Variants in MAG observed in about 807,000 individuals in gnomAD.
MAG encodes myelin associated glycoprotein.
In MAG, 30 loss-of-function variants were observed where a neutral mutation model predicts 60.7. The ratio of observed to expected loss-of-function variants is 0.49; its 90% confidence interval spans 0.37 to 0.67. The LOEUF is 0.67. Among genes scored for constraint, MAG ranks in the 30% least tolerant of loss-of-function variants. The pLI is 0.00. For missense variants in MAG, 795 were observed against 851.7 expected (o/e 0.93, Z 0.83); for synonymous variants, 384 against 376.8 (o/e 1.02, Z -0.22).
chr19:35,300,337 C>T lies in MAG; in HGVS notation c.903C>T (p.Gly301=), dbSNP rs1356900136. 3.1e-6 allele frequency: 5 copies of T among 1,598,604 alleles called. No homozygotes were observed. The highest frequency in any genetic ancestry group is 1.3e-5 in the African/African-American group (1 of 74,926). ...AGGAGGTGACCCCCGCCGAAGACGG[C>T]GTCTATGCCTGCCTGGCCGAGAATG... is the stretch of plus-strand genomic sequence containing the variant. ...ELEEVTPAED[G]VYACLAENAY... The change falls in exon 6 of 11, where the codon GGC becomes GGT. Residue 301 remains glycine, a synonymous_variant. Coordinates refer to ENST00000392213, the MANE Select transcript of MAG (RefSeq NM_002361.4).
At chr19:35,311,883 G>A (rs747954225) in intron 9 of MAG, 35 bp from the exon 10 acceptor site, 1 of 1,470,466 alleles carries the variant, frequency 6.8e-7, no homozygotes, top group African/African-American at 1.4e-5. Context: ...CAGAAAGGGA[G>A]GGCAGAGAGA....
At chr19:35,305,076 G>T (rs2285448) in intron 7 of MAG, among the ~76,000 whole-genome samples, 9,674 of 152,172 alleles carry the variant, frequency 0.064, 730 homozygotes, top group African/African-American at 0.19. Context: ...TCTTGAAAAC[G>T]AACACGCAGG....
In MAG at chr19:35,293,088, G is replaced by C. The variant is rs1018292496; in HGVS notation, c.-80+884G>C. ...TTAAGAGTGCATGGTCTACCTGCTT[G>C]TTTCATGTCTGCCCGGGCACGTGCT... On this transcript the variant is annotated intron_variant, in intron 1 of 10. Coordinates refer to ENST00000392213, the MANE Select transcript of MAG (RefSeq NM_002361.4). This position sits in a 1 kb window ranked among gnomAD's most constrained non-coding sequence, Gnocchi z 4.0. Among the ~76,000 whole-genome samples the C allele has an allele frequency of 6.6e-6, 1 of 152,066 alleles. No homozygotes were observed. The highest frequency in any genetic ancestry group is 1.5e-5 in the Non-Finnish European group (1 of 68,012).
Position 35,300,267 on chromosome 19 carries a change from C to T in MAG, c.833C>T (p.Thr278Ile). ...PPLLTWMRDGTVLREAVAESL... is the reference protein window; with the variant it reads ...PPLLTWMRDGIVLREAVAESL... ...CTGCTGACCTGGATGCGGGACGGGA[C>T]AGTCCTCCGGGAGGCGGTGGCCGAG... Residue 278 changes from threonine to isoleucine, a missense_variant, in exon 6 of 11, where the codon ACA (threonine) becomes ATA (isoleucine). Physicochemically the swap from Thr to Ile is moderately conservative, Grantham distance 89 (BLOSUM62 -1). Transcript: ENST00000392213. The T allele has an allele frequency of 6.3e-7, 1 of 1,598,764 alleles. No homozygotes were observed. Among genetic ancestry groups the T allele is most frequent in the Non-Finnish European group, 8.5e-7 (1 of 1,177,906 alleles).
In MAG at chr19:35,312,395, C is replaced by T. The variant is rs1477901850; in HGVS notation, c.1716+378C>T. On this transcript the variant is annotated intron_variant, in intron 10 of 10. Coordinates refer to ENST00000392213, the MANE Select transcript of MAG (RefSeq NM_002361.4). ...GGGCCCTGGGGTTGGCGTGCATGTCCGTGTGTCCCTGTCAGGCGTCAAGGT... is the reference window on the plus strand; with the variant it reads ...GGGCCCTGGGGTTGGCGTGCATGTCTGTGTGTCCCTGTCAGGCGTCAAGGT... The T allele has an allele frequency of 2.2e-5, 30 of 1,386,724 alleles. 1 individual carries two copies. The highest frequency in any genetic ancestry group is 1.4e-4 in the East Asian group (6 of 43,858). The allele number at this position is 1,386,724 out of a possible 1,614,324, so 85.9% of individuals were successfully genotyped here.
rs2066546605 is a variant in MAG at position 35,313,699 on chromosome 19, C to G, written c.*245C>G. The G allele has an allele frequency of 4.9e-6, 2 of 410,300 alleles. No homozygotes were observed. The highest frequency in any genetic ancestry group is 2.0e-5 in the African/African-American group (1 of 49,124). The allele number at this position is 410,300 out of a possible 1,614,324, so 25.4% of individuals were successfully genotyped here. A position where few individuals can be genotyped will look rare whatever the true frequency, so the allele number is the denominator to read the frequency against. On this transcript the variant is annotated 3_prime_UTR_variant, in exon 11 of 11. Transcript: ENST00000392213. The stretch of plus-strand genomic sequence containing the variant: ...TTACCCTCATCTGTCTGGAGGGGAG[C>G]TCTGTCTGTCCGTGTTATTTATTGC...
At chr19:35,313,223 G>A (rs903753138) in intron 10 of MAG, 67 bp from the exon 11 acceptor site, 13 of 1,522,534 alleles carry the variant, frequency 8.5e-6, no homozygotes, top group Admixed American at 8.5e-5. Context: ...GGGTGCAAAC[G>A]CTCTGTCCTC....
At chr19:35,296,824 C>T (rs1349624229) in intron 4 of MAG, among the ~76,000 whole-genome samples, 2 of 151,294 alleles carry the variant, frequency 1.3e-5, no homozygotes, top group African/African-American at 4.9e-5. Flanking sequence ...ACACCACACA[C>T]TACACATACA....
chr19:35,293,779 C>A lies in MAG; in HGVS notation c.-79-456C>A, dbSNP rs2066375350. On this transcript the variant is annotated intron_variant, in intron 1 of 10. Transcript: ENST00000392213. This position sits in a 1 kb window ranked among gnomAD's most constrained non-coding sequence, Gnocchi z 4.0. ...ACACCCTCTCCCCGAGGGAACAGGA[C>A]TCTTTTGTACCGGGGACCAGCTTCT... 6.6e-6 allele frequency among the ~76,000 whole-genome samples: 1 copy of A among 152,094 alleles called. No homozygotes were observed. The highest frequency in any genetic ancestry group is 6.5e-5 in the Admixed American group (1 of 15,272).
intron 4 of MAG, among the ~76,000 whole-genome samples, chr19:35,297,417 A>G (rs1222715733): frequency 6.9e-6 from 1 of 145,308 alleles, no homozygotes; most frequent in African/African-American, 2.6e-5. Flanking sequence ...ACCACACCAA[A>G]CACACACCAC....
rs780660604 is a variant in MAG at position 35,310,071 on chromosome 19, C to T, written c.1429C>T (p.Arg477Trp). ...GLVLTSILTL[R>W]GQAQAPPRVI... ...CGTGCTCACCAGCATCCTCACGCTG[C>T]GGGGGCAGGCCCAGGCCCCGCCCCG... Residue 477 changes from arginine to tryptophan, a missense_variant, in exon 8 of 11, where the codon CGG becomes TGG. Coordinates refer to ENST00000392213, the MANE Select transcript of MAG (RefSeq NM_002361.4). 1 of 1,613,356 alleles carries T rather than the reference C, an allele frequency of 6.2e-7. No homozygotes were observed. Among genetic ancestry groups the T allele is most frequent in the Non-Finnish European group, 8.5e-7 (1 of 1,179,848 alleles).
Position 35,300,300 on chromosome 19 carries a change from T to A in MAG, c.866T>A (p.Leu289His). ...CGGGAGGCGGTGGCCGAGAGCCTGC[T>A]CCTGGAGCTGGAGGAGGTGACCCCC... is the stretch of plus-strand genomic sequence containing the variant. ...VLREAVAESL[L>H]LELEEVTPAE... Residue 289 changes from leucine to histidine, a missense_variant, in exon 6 of 11, where the codon CTC becomes CAC. Coordinates refer to ENST00000392213, the MANE Select transcript of MAG (RefSeq NM_002361.4). The A allele has an allele frequency of 6.3e-7, 1 of 1,599,766 alleles. No homozygotes were observed.
In MAG at chr19:35,302,716, C is replaced by A. The variant is rs761206080; in HGVS notation, c.1231+8C>A. 2 of 1,611,614 alleles carry A rather than the reference C, an allele frequency of 1.2e-6. No individual in the cohort carries two copies. The highest frequency in any genetic ancestry group is 2.2e-5 in the East Asian group (1 of 44,834). ...TCAACCTGTCTGTGGAGTGTGAGTACCTTCCGCTCCCCTATGCTGGGGATG... is the reference window on the plus strand; with the variant it reads ...TCAACCTGTCTGTGGAGTGTGAGTAACTTCCGCTCCCCTATGCTGGGGATG... On this transcript the variant is annotated splice_region_variant and intron_variant, in intron 7 of 10. Transcript: ENST00000392213.
At chr19:35,301,455 C>CA (rs1289220429) in intron 6 of MAG, among the ~76,000 whole-genome samples, 1 of 107,934 alleles carries the variant, frequency 9.3e-6, no homozygotes, top group East Asian at 2.9e-4. Context: ...TTTTTTGAGA[C>CA]AGAGTCTGGC....
In MAG at chr19:35,300,133, G is replaced by A; in HGVS notation, c.713-14G>A. The A allele has an allele frequency of 6.6e-7, 1 of 1,518,364 alleles. No homozygotes were observed. The highest frequency in any genetic ancestry group is 8.8e-7 in the Non-Finnish European group (1 of 1,131,106). The allele number at this position is 1,518,364 out of a possible 1,614,324, so 94.1% of individuals were successfully genotyped here. On this transcript the variant is annotated splice_polypyrimidine_tract_variant and intron_variant, in intron 5 of 10. Coordinates refer to ENST00000392213, the MANE Select transcript of MAG (RefSeq NM_002361.4). Reference sequence around the variant, plus strand: ...AGCACCTGCTCACTAACCTCGCTGTGTCGCGGGCCTTAGACCCCCCGGTGA... The same window carrying A: ...AGCACCTGCTCACTAACCTCGCTGTATCGCGGGCCTTAGACCCCCCGGTGA...
Position 35,312,642 on chromosome 19 carries a change from A to G in MAG, c.1716+625A>G, listed in dbSNP as rs901747220. 1.7e-5 allele frequency: 8 copies of G among 467,246 alleles called. No homozygotes were observed. The Admixed American group carries it at 2.9e-4, about 17-fold the overall frequency. The allele number at this position is 467,246 out of a possible 1,614,324, so 28.9% of individuals were successfully genotyped here. On this transcript the variant is annotated intron_variant, in intron 10 of 10. Coordinates refer to ENST00000392213, the MANE Select transcript of MAG (RefSeq NM_002361.4). ...GGACCCATGGGGGGGCACGTACCAA[A>G]CCAGGTATTTCCAGGAATTTGGAAA...
rs991513566 is a variant in MAG at position 35,313,478 on chromosome 19, G to T, written c.*24G>T. On this transcript the variant is annotated 3_prime_UTR_variant, in exon 11 of 11. Coordinates refer to ENST00000392213, the MANE Select transcript of MAG (RefSeq NM_002361.4). ...GAAGGAGCTGGGGGCAGCCTGCGTG[G>T]CTGACCCCCCTCAGGACCCTCGCTG... is the stretch of plus-strand genomic sequence containing the variant. 5 of 1,597,080 alleles carry T rather than the reference G, an allele frequency of 3.1e-6. No individual in the cohort carries two copies. The highest frequency in any genetic ancestry group is 4.3e-6 in the Non-Finnish European group (5 of 1,172,622).
At chr19:35,298,108 CACAT>C (rs2066416496) in intron 4 of MAG, among the ~76,000 whole-genome samples, 1 of 143,394 alleles carries the variant, frequency 7.0e-6, no homozygotes, top group Admixed American at 6.9e-5. Flanking sequence ...CTACACACAC[CACAT>C]ACATACACCA....
At position 35,310,005 on chromosome 19, in the gene MAG, G is replaced by A. The variant is rs570817960; in HGVS notation, c.1363G>A (p.Glu455Lys). 2 of 1,614,024 alleles carry A rather than the reference G, an allele frequency of 1.2e-6. No individual in the cohort carries two copies. The highest frequency in any genetic ancestry group is 1.1e-5 in the South Asian group (1 of 91,084). Reference protein sequence around the residue: ...ELPSRNVTVNESEREFVYSER... With the variant: ...ELPSRNVTVNKSEREFVYSER... Reference sequence around the variant, plus strand: ...GCCATCGCGCAATGTGACCGTGAACGAGAGCGAGCGGGAGTTCGTGTACTC... The same window carrying A: ...GCCATCGCGCAATGTGACCGTGAACAAGAGCGAGCGGGAGTTCGTGTACTC... Residue 455 changes from glutamate (E) to lysine (K), a missense_variant, in exon 8 of 11, where the codon GAG (glutamate) becomes AAG (lysine). By Grantham distance (56) the Glu-to-Lys change is moderately conservative. Coordinates refer to ENST00000392213, the MANE Select transcript of MAG (RefSeq NM_002361.4).
Sources: allele counts gnomAD v4.1 joint callset (sites outside exome capture counted in the v4.1 genomes callset), GRCh38; gene constraint gnomAD v4.1.1; non-coding constraint Gnocchi (gnomAD v3.1); transcripts MANE v1.5; gene names NCBI Gene and HGNC (gene_info 2026-07-23, HGNC 2026-07-21).